COG4: variants seen among roughly 807,000 people sequenced by gnomAD.
COG4 encodes conserved oligomeric Golgi complex subunit 4.
A neutral mutation model predicts 95.1 loss-of-function variants in COG4; 65 were observed. The observed-to-expected ratio is 0.68, with a 90% CI of 0.56 to 0.84. The LOEUF (loss-of-function observed/expected upper bound fraction) is 0.84, where lower values mean the gene tolerates loss of function less well. COG4 is among the 40% of genes least tolerant of loss of function. COG4 has a pLI of 0.00. For synonymous variants in COG4, 421 were observed against 374.8 expected, an observed-to-expected ratio of 1.12 and a Z score of -1.42; for missense variants, 1,045 against 989.1, an observed-to-expected ratio of 1.06 and a Z score of -0.76.
Position 70,507,114 on chromosome 16 carries a change from A to G in COG4, c.1061+1292T>C, listed in dbSNP as rs74535774. ...CAATATGTGTACACCAGCTACTGAT[A>G]TGTGTCCCAGCTACTCGGGAGGCCG... On this transcript the variant is annotated intron_variant, in intron 8 of 18. Coordinates refer to ENST00000323786, the MANE Select transcript of COG4 (RefSeq NM_015386.3). Among the ~76,000 whole-genome samples, 1,013 of 151,080 alleles carry G rather than the reference A, an allele frequency of 6.7e-3. 18 individuals carry two copies. The highest frequency in any genetic ancestry group is 0.023 in the African/African-American group (961 of 41,204).
intron 9 of COG4, among the ~76,000 whole-genome samples, chr16:70,499,700 C>A (rs868376130): frequency 2.6e-4 from 40 of 152,156 alleles, no homozygotes; most frequent in African/African-American, 8.9e-4. Context: ...TCGCTTGTCG[C>A]CCAGGCTGGA....
Position 70,512,308 on chromosome 16 carries a change from G to A in COG4, c.669C>T (p.Phe223=). The A allele has an allele frequency of 1.2e-6, 2 of 1,614,176 alleles. No homozygotes were observed. The highest frequency in any genetic ancestry group is 1.7e-6 in the Non-Finnish European group (2 of 1,180,034). The change falls in exon 5 of 19, where the codon TTC becomes TTT. Residue 223 remains phenylalanine, a synonymous_variant. Transcript: ENST00000323786. ...EGDLPQVERF[F]KIFPLLGLHE... is the part of the protein sequence containing the mutation. ...GCAAACCCAGCAGTGGGAAGATCTT[G>A]AAGAAGCGCTCCACCTGGGGCAGAT...
chr16:70,515,077 G>A (rs1365571305), intron 3 of COG4, among the ~76,000 whole-genome samples: 1 of 150,200 alleles, frequency 6.7e-6, no homozygotes, highest in Admixed American at 6.7e-5. Flanking sequence ...GTACAGTGGT[G>A]CAATCTTGGC....
intron 9 of COG4, among the ~76,000 whole-genome samples, chr16:70,498,441 G>A: frequency 6.6e-6 from 1 of 151,732 alleles, no homozygotes; most frequent in East Asian, 1.9e-4. Flanking sequence ...CAATTCTCCT[G>A]CCTCAGCCTC....
At chr16:70,504,696 G>C (rs2049524444) in intron 8 of COG4, among the ~76,000 whole-genome samples, 1 of 151,736 alleles carries the variant, frequency 6.6e-6, no homozygotes, top group Non-Finnish European at 1.5e-5. Flanking sequence ...TGGATCACAA[G>C]GTCAGGAGTT....
intron 2 of COG4, among the ~76,000 whole-genome samples, 184 bp from the exon 3 acceptor site, chr16:70,517,924 T>TA (rs550149071): frequency 2.4e-3 from 356 of 150,302 alleles, no homozygotes; most frequent in Non-Finnish European, 3.5e-3. Flanking sequence ...CTATACCTGA[T>TA]AAAAAATTAA....
rs1389713039 is a variant in COG4 at position 70,523,478 on chromosome 16, C to G, written c.66G>C (p.Glu22Asp). 2 of 1,614,016 alleles carry G rather than the reference C, an allele frequency of 1.2e-6. No individual in the cohort carries two copies. Among genetic ancestry groups the G allele is most frequent in the African/African-American group, 1.3e-5 (1 of 74,938 alleles). Residue 22 changes from glutamate to aspartate, a missense_variant, in exon 1 of 19, where the codon GAG becomes GAC. Physicochemically the swap from Glu to Asp is conservative, Grantham distance 45 (BLOSUM62 2). Coordinates refer to ENST00000323786, the MANE Select transcript of COG4 (RefSeq NM_015386.3). ...PKLSGVQQPS[E>D]GVGGGRCSEI... is the part of the protein sequence containing the mutation. ...CGGAGCAGCGGCCACCTCCCACCCC[C>G]TCAGACGGCTGCTGCACCCCTGACA...
Position 70,481,095 on chromosome 16 carries a change from C to G in COG4, c.2285G>C (p.Trp762Ser). Reference protein sequence around the residue: ...YWGPNSGPLTWRLTPAEVRQV... With the variant: ...YWGPNSGPLTSRLTPAEVRQV... ...GCGCACTTCAGCAGGGGTGAGGCGC[C>G]ACGTCAATGGGCCGGAATTGGGTCC... Residue 762 changes from tryptophan (W) to serine (S), a missense_variant, in exon 19 of 19, where the codon TGG becomes TCG. By Grantham distance (177) the Trp-to-Ser change is radical. Transcript: ENST00000323786. The G allele has an allele frequency of 6.2e-7, 1 of 1,613,502 alleles. No individual in the cohort carries two copies. Among genetic ancestry groups the G allele is most frequent in the South Asian group, 1.1e-5 (1 of 91,078 alleles).
intron 9 of COG4, among the ~76,000 whole-genome samples, chr16:70,498,502 A>G (rs570718936): frequency 6.6e-6 from 1 of 151,888 alleles, no homozygotes; most frequent in African/African-American, 2.4e-5. Context: ...CAAATTTTGT[A>G]TTTTTAGTAG....
chr16:70,515,219 T>C (rs1475751346), intron 3 of COG4, among the ~76,000 whole-genome samples: 1 of 152,002 alleles, frequency 6.6e-6, no homozygotes, highest in Non-Finnish European at 1.5e-5. Context: ...TTTTGCCATG[T>C]TGCCCAAACC....
intron 10 of COG4, 74 bp downstream of exon 10, chr16:70,497,863 G>A: frequency 1.2e-6 from 1 of 865,726 alleles, no homozygotes; most frequent in Non-Finnish European, 2.0e-6. Context: ...AATATGACAT[G>A]CCTCAGCCAT....
intron 3 of COG4, among the ~76,000 whole-genome samples, chr16:70,514,760 C>A (rs1164063224): frequency 2.0e-5 from 3 of 152,128 alleles, no homozygotes; most frequent in African/African-American, 7.2e-5. Context: ...GTTACCCAGG[C>A]TGGAGTGCAG....
chr16:70,517,896 T>C (rs2049857852), intron 2 of COG4, among the ~76,000 whole-genome samples, 156 bp from the exon 3 acceptor site: 1 of 152,210 alleles, frequency 6.6e-6, no homozygotes, highest in Non-Finnish European at 1.5e-5. Flanking sequence ...TCAAGAACGT[T>C]TGACTGTAAA....
chr16:70,497,269 A>T lies in COG4; in HGVS notation c.1433T>A (p.Leu478His). ...RALSSSSIDCLCAMINLATTE... is the reference protein window; with the variant it reads ...RALSSSSIDCHCAMINLATTE... Reference sequence around the variant, plus strand: ...GGTGGCGAGGTTGATCATGGCACAGAGACAGTCAATGCTGGAGCTGGACAG... The same window carrying T: ...GGTGGCGAGGTTGATCATGGCACAGTGACAGTCAATGCTGGAGCTGGACAG... The change falls in exon 11 of 19, where the codon CTC (leucine) becomes CAC (histidine). Residue 478 changes from leucine to histidine, a missense_variant. Coordinates refer to ENST00000323786, the MANE Select transcript of COG4 (RefSeq NM_015386.3). 1 of 1,614,160 alleles carries T rather than the reference A, an allele frequency of 6.2e-7. No homozygotes were observed. The highest frequency in any genetic ancestry group is 1.1e-5 in the South Asian group (1 of 91,086).
chr16:70,518,308 G>T lies in COG4; in HGVS notation c.255-568C>A, dbSNP rs369815418. Among the ~76,000 whole-genome samples the T allele has an allele frequency of 2.6e-5, 4 of 152,160 alleles. No individual in the cohort carries two copies. The East Asian group carries it at 7.7e-4, about 29-fold the overall frequency. On this transcript the variant is annotated intron_variant, in intron 2 of 18. Transcript: ENST00000323786. ...ACAAATTCTCTCAATTGCTAAGTGA[G>T]CATAAGATGCACTAACCAGTACCAT...
At chr16:70,496,226 G>A (rs759717884) in intron 12 of COG4, 40 bp downstream of exon 12, 22 of 1,611,936 alleles carry the variant, frequency 1.4e-5, no homozygotes, top group African/African-American at 4.0e-5. Flanking sequence ...GTAACCTCTC[G>A]AGATAAACCA....
chr16:70,511,166 C>T (rs2049695577), intron 5 of COG4, among the ~76,000 whole-genome samples: 1 of 152,200 alleles, frequency 6.6e-6, no homozygotes, highest in Non-Finnish European at 1.5e-5. Flanking sequence ...CTTCTTCTAA[C>T]CTGTGTCTCT....
At chr16:70,508,577 C>T (rs540739744) in intron 7 of COG4, 113 bp from the exon 8 acceptor site, 43 of 924,576 alleles carry the variant, frequency 4.7e-5, no homozygotes, top group African/African-American at 4.4e-4. Flanking sequence ...AGTTTGTTTA[C>T]CAGGTTTACC....
chr16:70,490,287 G>T, intron 13 of COG4, 43 bp downstream of exon 13: 1 of 1,513,944 alleles, frequency 6.6e-7, no homozygotes, highest in South Asian at 1.1e-5. Context: ...CTCAACATGG[G>T]AAAAGATGGC....
Sources: allele counts gnomAD v4.1 joint callset (sites outside exome capture counted in the v4.1 genomes callset), GRCh38; gene constraint gnomAD v4.1.1; transcripts MANE v1.5; gene names NCBI Gene and HGNC (gene_info 2026-07-23, HGNC 2026-07-21).